The following MSH3 variants were observed in gnomAD, a reference collection of about 807,000 sequenced individuals.
MSH3 encodes the protein DNA mismatch repair protein Msh3.
MSH3 carries 106 observed loss-of-function variants against 123.3 expected under a neutral mutation model. The observed-to-expected ratio is 0.86, with a 90% CI of 0.73 to 1.01. The LOEUF (loss-of-function observed/expected upper bound fraction) is 1.01. Ranked by LOEUF, MSH3 falls within the 50% of genes least tolerant of loss-of-function variation. The probability of loss-of-function intolerance (pLI) is 0.00; values close to 1 mark genes in which losing one functional copy is unlikely to be tolerated. For missense variants in MSH3, 1,459 were observed against 1,347.6 expected, an observed-to-expected ratio of 1.08 and a Z score of -1.29; for synonymous variants, 515 against 481.4, an observed-to-expected ratio of 1.07 and a Z score of -0.91.
At chr5:80,657,079 A>G (rs1241765422) in intron 2 of MSH3, among the ~76,000 whole-genome samples, 1 of 152,038 alleles carries the variant, frequency 6.6e-6, no homozygotes, top group Non-Finnish European at 1.5e-5. Flanking sequence ...CAGGACCTGC[A>G]GATCTACTCT....
chr5:80,753,949 G>A (rs1743880615), intron 12 of MSH3, among the ~76,000 whole-genome samples: 1 of 152,192 alleles, frequency 6.6e-6, no homozygotes, highest in East Asian at 1.9e-4. Flanking sequence ...CATTCCGATG[G>A]TCACAGCTTA....
intron 19 of MSH3, 65 bp from the exon 20 acceptor site, chr5:80,813,511 CTTATGAGA>C: frequency 6.8e-7 from 1 of 1,479,428 alleles, no homozygotes; most frequent in Non-Finnish European, 9.4e-7. Flanking sequence ...TGCATTTCCA[CTTATGAGA>C]TAAATTGTGG....
At chr5:80,712,425 C>T (rs961960552) in intron 8 of MSH3, among the ~76,000 whole-genome samples, 2 of 151,954 alleles carry the variant, frequency 1.3e-5, no homozygotes, top group African/African-American at 4.8e-5. Flanking sequence ...GGTTTTTATT[C>T]GAATTTTATT....
At position 80,854,215 on chromosome 5, in the gene MSH3, A is replaced by G. The variant is rs1019486187; in HGVS notation, c.2899A>G (p.Thr967Ala). 3.1e-6 allele frequency: 5 copies of G among 1,613,844 alleles called. No homozygotes were observed. Among genetic ancestry groups the G allele is most frequent in the African/African-American group, 1.3e-5 (1 of 74,932 alleles). The part of the protein sequence containing the change: ...TDTAEIIRKA[T>A]SQSLVILDEL... Reference sequence around the variant, plus strand: ...CACAGCAGAAATAATCAGAAAAGCAACATCACAGTCCTTGGTTATCTTGGA... The same window carrying G: ...CACAGCAGAAATAATCAGAAAAGCAGCATCACAGTCCTTGGTTATCTTGGA... The change falls in exon 21 of 24, where the codon ACA becomes GCA. Residue 967 changes from threonine (T) to alanine (A), a missense_variant. Coordinates refer to ENST00000265081, the MANE Select transcript of MSH3 (RefSeq NM_002439.5).
intron 18 of MSH3, among the ~76,000 whole-genome samples, chr5:80,788,830 T>G (rs1744560782): frequency 6.6e-6 from 1 of 151,934 alleles, no homozygotes; most frequent in South Asian, 2.1e-4. Context: ...GAGATAGAAT[T>G]TAAAAAATAC....
chr5:80,823,621 AT>A (rs137874725), intron 20 of MSH3, among the ~76,000 whole-genome samples: 2 of 150,990 alleles, frequency 1.3e-5, no homozygotes, highest in South Asian at 2.1e-4. Flanking sequence ...TGCACATTAA[AT>A]TTTTTTTTTC....
chr5:80,815,622 A>G (rs1745088047), intron 20 of MSH3, among the ~76,000 whole-genome samples: 1 of 152,166 alleles, frequency 6.6e-6, no homozygotes. Context: ...CAGGCATCAC[A>G]TTCCTATTCA....
chr5:80,872,155 A>G (rs769532320), intron 22 of MSH3, among the ~76,000 whole-genome samples: 30 of 152,040 alleles, frequency 2.0e-4, no homozygotes, highest in Non-Finnish European at 4.3e-4. Flanking sequence ...AACATGTAAT[A>G]TTTTCTTTTC....
At chr5:80,743,479 C>G (rs1020690468) in intron 11 of MSH3, among the ~76,000 whole-genome samples, 1 of 151,992 alleles carries the variant, frequency 6.6e-6, no homozygotes, top group East Asian at 1.9e-4. Context: ...GGGACCATGT[C>G]CTTGCTATGT....
At chr5:80,872,454 G>C (rs1462971696) in intron 22 of MSH3, among the ~76,000 whole-genome samples, 1 of 151,284 alleles carries the variant, frequency 6.6e-6, no homozygotes, top group African/African-American at 2.4e-5. Flanking sequence ...GGATGACAGA[G>C]TCAGACCCTG....
intron 8 of MSH3, among the ~76,000 whole-genome samples, chr5:80,687,747 G>A (rs1750124824): frequency 6.6e-6 from 1 of 152,192 alleles, no homozygotes; most frequent in South Asian, 2.1e-4. Context: ...CAGCAAACTG[G>A]TATGGATTCC....
chr5:80,715,117 C>T (rs566629357), intron 8 of MSH3: 1 of 152,290 alleles, frequency 6.6e-6, no homozygotes, highest in South Asian at 2.1e-4. Flanking sequence ...CTTAATGTCT[C>T]AAGTTCAATT....
chr5:80,672,288 C>G lies in MSH3; in HGVS notation c.837C>G (p.Asn279Lys). 2 of 1,613,972 alleles carry G rather than the reference C, an allele frequency of 1.2e-6. No homozygotes were observed. Among genetic ancestry groups the G allele is most frequent in the Non-Finnish European group, 1.7e-6 (2 of 1,179,938 alleles). The part of the protein sequence containing the change: ...ELNIYCHLDH[N>K]FMTASIPTHR... ...ATATTTATTGCCATTTAGATCACAA[C>G]TTTATGACAGCAAGTATACCTACTC... Residue 279 changes from asparagine (N) to lysine (K), a missense_variant, in exon 5 of 24, where the codon AAC becomes AAG. By Grantham distance (94) the Asn-to-Lys change is moderately conservative. Transcript: ENST00000265081.
intron 8 of MSH3, among the ~76,000 whole-genome samples, chr5:80,701,654 A>G (rs770046840): frequency 1.3e-5 from 2 of 152,038 alleles, no homozygotes; most frequent in African/African-American, 2.4e-5. Flanking sequence ...GAAGTCAAAA[A>G]CTTGAGGCCA....
intron 20 of MSH3, among the ~76,000 whole-genome samples, chr5:80,829,080 C>T (rs950075572): frequency 6.6e-5 from 10 of 152,328 alleles, no homozygotes; most frequent in East Asian, 3.9e-4. Context: ...CATTAATCCA[C>T]GAATGGATTA....
At chr5:80,826,244 A>G (rs576057688) in intron 20 of MSH3, among the ~76,000 whole-genome samples, 1 of 152,354 alleles carries the variant, frequency 6.6e-6, no homozygotes, top group African/African-American at 2.4e-5. Flanking sequence ...GTAAGAATCT[A>G]CTGTATGGCT....
intron 23 of MSH3, among the ~76,000 whole-genome samples, chr5:80,874,737 C>A (rs1746276926): frequency 6.6e-6 from 1 of 151,984 alleles, no homozygotes; most frequent in African/African-American, 2.4e-5. Flanking sequence ...TCTATATTTT[C>A]ATATATTCTT....
intron 12 of MSH3, 57 bp from the exon 13 acceptor site, chr5:80,761,489 T>C (rs1744031794): frequency 6.2e-7 from 1 of 1,600,726 alleles, no homozygotes; most frequent in Admixed American, 1.7e-5. Flanking sequence ...GAGTGGGAAA[T>C]GTCTATATTC....
At chr5:80,830,374 T>C (rs1447351314) in intron 20 of MSH3, among the ~76,000 whole-genome samples, 1 of 152,206 alleles carries the variant, frequency 6.6e-6, no homozygotes, top group African/African-American at 2.4e-5. Context: ...TTGTTTGCAT[T>C]TTAATTTCTA....
Sources: allele counts gnomAD v4.1 joint callset (sites outside exome capture counted in the v4.1 genomes callset), GRCh38; gene constraint gnomAD v4.1.1; transcripts MANE v1.5; gene names NCBI Gene and HGNC (gene_info 2026-07-23, HGNC 2026-07-21).